Variants in CAMK2D observed in about 807,000 individuals in gnomAD.
The protein encoded by CAMK2D is calcium/calmodulin-dependent protein kinase type II subunit delta.
A neutral mutation model predicts 84.0 loss-of-function variants in CAMK2D; 37 were observed. That is an observed-to-expected ratio of 0.44 (90% CI 0.34 to 0.58). CAMK2D has a LOEUF of 0.58. Ranked by LOEUF, CAMK2D falls within the 20% of genes least tolerant of loss-of-function variation. The pLI is 0.02. For synonymous variants in CAMK2D, 202 were observed against 212.5 expected, an observed-to-expected ratio of 0.95 and a Z score of 0.43; for missense variants, 448 against 652.5, an observed-to-expected ratio of 0.69 and a Z score of 3.41.
intron 6 of CAMK2D, among the ~76,000 whole-genome samples, chr4:113,544,777 C>T (rs1253508005): frequency 6.6e-6 from 1 of 152,174 alleles, no homozygotes; most frequent in Non-Finnish European, 1.5e-5. Context: ...TTATCTAGAT[C>T]TACATTAATT....
chr4:113,723,617 G>T (rs936496727), intron 2 of CAMK2D, among the ~76,000 whole-genome samples: 1 of 152,010 alleles, frequency 6.6e-6, no homozygotes, highest in Non-Finnish European at 1.5e-5. Flanking sequence ...TGGGCTAACT[G>T]GCCAGTGTTG....
intron 9 of CAMK2D, 133 bp downstream of exon 9, chr4:113,517,430 C>T: frequency 6.4e-6 from 3 of 472,154 alleles, no homozygotes; most frequent in South Asian, 9.7e-5. Flanking sequence ...TTCTCCCTTT[C>T]CTTAAGAGAG....
At chr4:113,561,223 T>C (rs2098696979) in intron 4 of CAMK2D, among the ~76,000 whole-genome samples, 1 of 152,214 alleles carries the variant, frequency 6.6e-6, no homozygotes, top group African/African-American at 2.4e-5. Context: ...CTCAGGCTTG[T>C]AACCTCAGCA....
chr4:113,580,095 G>A (rs550060743), intron 4 of CAMK2D, among the ~76,000 whole-genome samples: 9 of 152,174 alleles, frequency 5.9e-5, no homozygotes, highest in South Asian at 2.1e-4. Context: ...CTAAACAAAA[G>A]TGTAATCCCT....
intron 2 of CAMK2D, among the ~76,000 whole-genome samples, chr4:113,687,986 G>A (rs1023566424): frequency 3.3e-5 from 5 of 151,968 alleles, no homozygotes; most frequent in African/African-American, 9.7e-5. Context: ...ATACACACAC[G>A]GAGAGAAATA....
chr4:113,619,517 T>A (rs941404742), intron 3 of CAMK2D, among the ~76,000 whole-genome samples: 1 of 152,128 alleles, frequency 6.6e-6, no homozygotes, highest in Non-Finnish European at 1.5e-5. Flanking sequence ...CTCCTACTAC[T>A]CATCCCTGGC....
chr4:113,558,535 G>C (rs930304601), intron 4 of CAMK2D, among the ~76,000 whole-genome samples: 6 of 148,524 alleles, frequency 4.0e-5, no homozygotes, highest in African/African-American at 7.9e-5. Flanking sequence ...ATAGGTTATA[G>C]GCAAATACAG....
At chr4:113,753,728 C>T (rs2099622351) in intron 2 of CAMK2D, 6 of 869,332 alleles carry the variant, frequency 6.9e-6, no homozygotes, top group Non-Finnish European at 6.8e-6. Flanking sequence ...TTGTTATAAT[C>T]AGATATTTAA....
intron 2 of CAMK2D, among the ~76,000 whole-genome samples, chr4:113,688,638 C>T (rs2099367172): frequency 6.6e-6 from 1 of 152,020 alleles, no homozygotes; most frequent in Non-Finnish European, 1.5e-5. Flanking sequence ...TTCCTATTGC[C>T]CCAACTGATT....
intron 4 of CAMK2D, among the ~76,000 whole-genome samples, chr4:113,579,907 G>A (rs17447089): frequency 0.061 from 9,279 of 152,202 alleles, 343 homozygotes; most frequent in South Asian, 0.099. Context: ...TCCAAATACA[G>A]GTTTCCCATC....
At chr4:113,702,730 G>A (rs571740384) in intron 2 of CAMK2D, among the ~76,000 whole-genome samples, 103 of 152,146 alleles carry the variant, frequency 6.8e-4, no homozygotes, top group African/African-American at 2.2e-3. Context: ...CCAACATGGC[G>A]AAATCTCATC....
chr4:113,510,738 A>AT (rs1333962252), intron 12 of CAMK2D, among the ~76,000 whole-genome samples: 48 of 152,278 alleles, frequency 3.2e-4, no homozygotes, highest in African/African-American at 1.2e-3. Context: ...CCTAGCTAGA[A>AT]TAGAACTGCA....
intron 4 of CAMK2D, among the ~76,000 whole-genome samples, chr4:113,558,152 A>C (rs921592739): frequency 6.6e-6 from 1 of 152,208 alleles, no homozygotes; most frequent in Non-Finnish European, 1.5e-5. Context: ...AGGAGAAATA[A>C]CACACTCACG....
In CAMK2D at chr4:113,505,019, T is replaced by C. The variant is rs1045260313; in HGVS notation, c.1001A>G (p.Asn334Ser). 1.3e-6 allele frequency: 2 copies of C among 1,582,442 alleles called. No individual in the cohort carries two copies. The highest frequency in any genetic ancestry group is 1.1e-5 in the South Asian group (1 of 87,720). The change falls in exon 14 of 21, where the codon AAC becomes AGC. Residue 334 changes from asparagine to serine, a missense_variant. Around this residue, in one of 7 missense-constraint regions of CAMK2D, gnomAD observed 219 missense variants for 272.1 expected, o/e 0.80. Coordinates refer to ENST00000511664, the MANE Select transcript of CAMK2D (RefSeq NM_001321571.2). ...ATTTTCTTTGGGGCTGGTTACCACGTTGGCTTTGTTGTTTATCTGTGGGTA... is the reference window on the plus strand; with the variant it reads ...ATTTTCTTTGGGGCTGGTTACCACGCTGGCTTTGTTGTTTATCTGTGGGTA... ...PDGVKINNKANVVTSPKENIP... is the reference protein window; with the variant it reads ...PDGVKINNKASVVTSPKENIP...
At chr4:113,470,509 G>A (rs1290846374) in intron 16 of CAMK2D, among the ~76,000 whole-genome samples, 1 of 151,978 alleles carries the variant, frequency 6.6e-6, no homozygotes, top group Non-Finnish European at 1.5e-5. Flanking sequence ...GTGGTGGCAC[G>A]CACATGTAGT....
chr4:113,483,422 T>G (rs2097725834), intron 16 of CAMK2D, among the ~76,000 whole-genome samples: 1 of 152,062 alleles, frequency 6.6e-6, no homozygotes, highest in African/African-American at 2.4e-5. Flanking sequence ...TTTTTTTTTT[T>G]GAGACAGAGT....
At chr4:113,545,817 G>C (rs183003556) in intron 6 of CAMK2D, among the ~76,000 whole-genome samples, 56 of 152,288 alleles carry the variant, frequency 3.7e-4, no homozygotes, top group Non-Finnish European at 4.6e-4. Flanking sequence ...AATAAGAATG[G>C]AGAGCAAAAG....
chr4:113,535,856 A>G (rs1392091051), intron 7 of CAMK2D, among the ~76,000 whole-genome samples: 1 of 152,170 alleles, frequency 6.6e-6, no homozygotes, highest in Non-Finnish European at 1.5e-5. Context: ...ATGTTAAGAT[A>G]CTTCCACCCT....
intron 4 of CAMK2D, among the ~76,000 whole-genome samples, chr4:113,578,157 C>G (rs2098792535): frequency 2.0e-5 from 3 of 152,194 alleles, no homozygotes; most frequent in Admixed American, 1.3e-4. Context: ...TCCCAAGGAA[C>G]AGTATCTTAA....
Sources: allele counts gnomAD v4.1 joint callset (sites outside exome capture counted in the v4.1 genomes callset), GRCh38; gene constraint gnomAD v4.1.1; regional missense constraint gnomAD v4.1.1; transcripts MANE v1.5; gene names NCBI Gene and HGNC (gene_info 2026-07-23, HGNC 2026-07-21).